Variants in SLC25A21 observed in about 807,000 individuals in gnomAD.
The protein encoded by SLC25A21 is solute carrier family 25 member 21.
SLC25A21 carries 47 observed loss-of-function variants against 43.8 expected under a neutral mutation model. That is an observed-to-expected ratio of 1.07 (90% confidence interval 0.85 to 1.37). The LOEUF is 1.37. Among genes scored for constraint, SLC25A21 ranks in the 40% most tolerant of loss-of-function variants. SLC25A21 has a pLI of 0.00. For synonymous variants in SLC25A21, 131 were observed against 121.3 expected (o/e 1.08, Z -0.52); for missense variants, 352 against 350.2 (o/e 1.00, Z -0.04).
rs993084201 is a variant in SLC25A21, at chr14:37,001,730, G to A, written c.71-126726C>T. The stretch of plus-strand genomic sequence containing the variant: ...TTGCCTACTCACAAAGAGCTGACTT[G>A]GCCAGAGGGAAGGCAAACATACAAA... On this transcript the variant is annotated intron_variant, in intron 1 of 9. Transcript: ENST00000331299. 2.0e-5 allele frequency among the ~76,000 whole-genome samples: 3 copies of A among 151,958 alleles called. No individual in the cohort carries two copies. The East Asian group carries it at 5.8e-4, about 29-fold the overall frequency.
At chr14:36,758,354 G>C (rs569789681) in intron 3 of SLC25A21, among the ~76,000 whole-genome samples, 1 of 152,154 alleles carries the variant, frequency 6.6e-6, no homozygotes, top group African/African-American at 2.4e-5. Flanking sequence ...CAGGCAGGCA[G>C]GTCTAGTCAA....
Position 36,758,264 on chromosome 14 carries a change from C to T in SLC25A21, c.204-23691G>A, listed in dbSNP as rs79608127. Among the ~76,000 whole-genome samples the T allele has an allele frequency of 6.0e-4, 92 of 152,144 alleles. 2 individuals are homozygous for T. The East Asian group carries it at 0.017, about 29-fold the overall frequency. On this transcript the variant is annotated intron_variant, in intron 3 of 9. Coordinates refer to ENST00000331299, the MANE Select transcript of SLC25A21 (RefSeq NM_030631.4). ...AGTGAACTGGGGCTCTACATGATCT[C>T]CTGCATGAGTTTTCATGTTACTGCT... is the stretch of plus-strand genomic sequence containing the variant.
At position 36,946,980 on chromosome 14, in the gene SLC25A21, T is replaced by G. The variant is rs901603191; in HGVS notation, c.71-71976A>C. ...TATCTTTAGTAATAATTGCTTTTAA[T>G]GCCAAGAAATTACTTTATTCTATAT... On this transcript the variant is annotated intron_variant, in intron 1 of 9. Coordinates refer to ENST00000331299, the MANE Select transcript of SLC25A21 (RefSeq NM_030631.4). 1.1e-4 allele frequency among the ~76,000 whole-genome samples: 17 copies of G among 152,350 alleles called. No homozygotes were observed. The South Asian group carries it at 1.2e-3, about 11-fold the overall frequency.
intron 1 of SLC25A21, among the ~76,000 whole-genome samples, chr14:37,158,423 C>T (rs1000623563): frequency 5.9e-5 from 9 of 152,176 alleles, no homozygotes; most frequent in Admixed American, 1.3e-4. Context: ...AAGAATAGTT[C>T]AACATATGCA....
At chr14:36,860,685 C>T (rs536447854) in intron 2 of SLC25A21, among the ~76,000 whole-genome samples, 1 of 152,306 alleles carries the variant, frequency 6.6e-6, no homozygotes, top group Non-Finnish European at 1.5e-5. Context: ...AAACTTTTTT[C>T]TAACGCGTAC....
chr14:36,719,092 G>A (rs933869507), intron 6 of SLC25A21, among the ~76,000 whole-genome samples: 1 of 152,176 alleles, frequency 6.6e-6, no homozygotes, highest in Non-Finnish European at 1.5e-5. Context: ...TAACTTTGAA[G>A]TAGATTTCAA....
intron 1 of SLC25A21, among the ~76,000 whole-genome samples, chr14:37,155,075 CT>C (rs528801358): frequency 2.1e-3 from 288 of 139,186 alleles, no homozygotes; most frequent in South Asian, 8.8e-3. Context: ...AAAGACAGCT[CT>C]TTTTTTTTTT....
chr14:37,134,640 T>A, intron 1 of SLC25A21, among the ~76,000 whole-genome samples: 2 of 102,822 alleles, frequency 1.9e-5, no homozygotes, highest in Non-Finnish European at 2.1e-5. Flanking sequence ...AGAGTGAGAC[T>A]CCATCTCTAA....
intron 2 of SLC25A21, among the ~76,000 whole-genome samples, chr14:36,837,741 C>T (rs578187640): frequency 2.0e-5 from 3 of 152,296 alleles, no homozygotes; most frequent in African/African-American, 4.8e-5. Flanking sequence ...TACTACACTC[C>T]TACAACTCAC....
intron 3 of SLC25A21, among the ~76,000 whole-genome samples, chr14:36,793,533 C>CAAAA (rs35553282): frequency 4.0e-5 from 5 of 125,934 alleles, no homozygotes; most frequent in African/African-American, 1.2e-4. Context: ...AAAATACAAC[C>CAAAA]AAAAAAAAAA....
At chr14:37,079,393 G>T (rs768755801) in intron 1 of SLC25A21, among the ~76,000 whole-genome samples, 6 of 152,102 alleles carry the variant, frequency 3.9e-5, no homozygotes, top group Admixed American at 2.0e-4. Flanking sequence ...TACCCATGTA[G>T]CTCAAATCAC....
intron 1 of SLC25A21, among the ~76,000 whole-genome samples, chr14:36,996,914 G>A (rs1349658590): frequency 1.3e-5 from 2 of 152,050 alleles, no homozygotes; most frequent in African/African-American, 2.4e-5. Context: ...GAAGAAAGAG[G>A]GGAGCCTTGG....
At chr14:37,005,181 C>G (rs1960573278) in intron 1 of SLC25A21, among the ~76,000 whole-genome samples, 1 of 152,040 alleles carries the variant, frequency 6.6e-6, no homozygotes. Flanking sequence ...CACAAGTGCA[C>G]AAGAGCGCAC....
rs74045204 is a variant in SLC25A21, at chr14:36,945,360, G to A, written c.71-70356C>T. Among the ~76,000 whole-genome samples the A allele has an allele frequency of 6.0e-3, 920 of 152,174 alleles. 14 individuals are homozygous for A. The highest frequency in any genetic ancestry group is 0.021 in the African/African-American group (888 of 41,510). On this transcript the variant is annotated intron_variant, in intron 1 of 9. Coordinates refer to ENST00000331299, the MANE Select transcript of SLC25A21 (RefSeq NM_030631.4). ...CATATAATCCAGAAAATCCACTTCTGGGCATATACCCCAAAGAACTGAAAG... is the reference window on the plus strand; with the variant it reads ...CATATAATCCAGAAAATCCACTTCTAGGCATATACCCCAAAGAACTGAAAG...
intron 1 of SLC25A21, among the ~76,000 whole-genome samples, chr14:37,133,857 T>C (rs549874687): frequency 6.6e-6 from 1 of 152,174 alleles, no homozygotes; most frequent in Non-Finnish European, 1.5e-5. Flanking sequence ...ATACCCAACA[T>C]AATTATTTAC....
chr14:37,100,996 G>A (rs998822228), intron 1 of SLC25A21, among the ~76,000 whole-genome samples: 5 of 152,036 alleles, frequency 3.3e-5, no homozygotes, highest in African/African-American at 1.2e-4. Flanking sequence ...GCTGACAGCC[G>A]ACTTACCTAG....
chr14:36,932,569 G>C (rs1393928164), intron 1 of SLC25A21, among the ~76,000 whole-genome samples: 1 of 152,020 alleles, frequency 6.6e-6, no homozygotes, highest in African/African-American at 2.4e-5. Context: ...AATTAAATGA[G>C]ACATGCTCCA....
chr14:37,054,345 C>T (rs1179028478), intron 1 of SLC25A21, among the ~76,000 whole-genome samples: 2 of 152,180 alleles, frequency 1.3e-5, no homozygotes, highest in African/African-American at 4.8e-5. Context: ...GCAAAAGAAC[C>T]ATCCAGCTGA....
intron 1 of SLC25A21, among the ~76,000 whole-genome samples, chr14:36,914,926 A>G (rs1280833067): frequency 6.6e-6 from 1 of 152,194 alleles, no homozygotes. Context: ...AGTAGAGACA[A>G]GGCATTTTAA....
Sources: allele counts gnomAD v4.1 joint callset (sites outside exome capture counted in the v4.1 genomes callset), GRCh38; gene constraint gnomAD v4.1.1; transcripts MANE v1.5; gene names NCBI Gene and HGNC (gene_info 2026-07-23, HGNC 2026-07-21).